The following MSRA variants were observed in gnomAD, a reference collection of about 807,000 sequenced individuals.
MSRA encodes methionine sulfoxide reductase A.
A neutral mutation model predicts 31.3 loss-of-function variants in MSRA; 54 were observed. The ratio of observed to expected loss-of-function variants is 1.73; its 90% CI spans 1.39 to 2.17. The LOEUF is 2.17. Among genes scored for constraint, MSRA ranks in the 30% most tolerant of loss-of-function variants. MSRA has a pLI of 0.00. For synonymous variants in MSRA, 169 were observed against 116.5 expected (o/e 1.45, Z -2.90); for missense variants, 507 against 300.9 (o/e 1.69, Z -5.07).
At chr8:10,182,326 C>T (rs1806617973) in intron 1 of MSRA, among the ~76,000 whole-genome samples, 1 of 152,318 alleles carries the variant, frequency 6.6e-6, no homozygotes, top group Admixed American at 6.5e-5. Flanking sequence ...TTACCTCTTG[C>T]TGAATGATGC....
At chr8:10,366,478 C>T (rs1481325744) in intron 5 of MSRA, among the ~76,000 whole-genome samples, 1 of 152,242 alleles carries the variant, frequency 6.6e-6, no homozygotes, top group African/African-American at 2.4e-5. Context: ...ATTACCCTGA[C>T]AGACATTCCG....
chr8:10,216,550 G>T (rs1810007717), intron 2 of MSRA, among the ~76,000 whole-genome samples: 1 of 152,154 alleles, frequency 6.6e-6, no homozygotes, highest in African/African-American at 2.4e-5. Context: ...TCAAAGGGAA[G>T]CTCCATAGAC....
chr8:10,294,040 C>T (rs973989024), intron 3 of MSRA, among the ~76,000 whole-genome samples: 3 of 152,088 alleles, frequency 2.0e-5, no homozygotes, highest in African/African-American at 7.2e-5. Flanking sequence ...CCCATCTCTA[C>T]TAAAAATACA....
At chr8:10,301,482 A>C in intron 3 of MSRA, 52 bp from the exon 4 acceptor site, 1 of 1,411,912 alleles carries the variant, frequency 7.1e-7, no homozygotes, top group Non-Finnish European at 9.9e-7. Context: ...AAAAACTTGC[A>C]ATAAATGGAT....
At chr8:10,345,183 T>G (rs1457984784) in intron 5 of MSRA, among the ~76,000 whole-genome samples, 1 of 152,154 alleles carries the variant, frequency 6.6e-6, no homozygotes. Flanking sequence ...CTAAAACAAG[T>G]CATATGTTCA....
At chr8:10,056,433 C>G (rs1386748166) in intron 1 of MSRA, among the ~76,000 whole-genome samples, 1 of 152,096 alleles carries the variant, frequency 6.6e-6, no homozygotes, top group East Asian at 1.9e-4. Context: ...TGCAAAACCT[C>G]AGGACCTGGT....
At chr8:10,421,980 G>A (rs1042629791) in intron 5 of MSRA, among the ~76,000 whole-genome samples, 1 of 152,208 alleles carries the variant, frequency 6.6e-6, no homozygotes, top group African/African-American at 2.4e-5. Context: ...GTACTCTGCA[G>A]TAGTTAAAAC....
chr8:10,399,774 G>A (rs1466680320), intron 5 of MSRA, among the ~76,000 whole-genome samples: 1 of 152,192 alleles, frequency 6.6e-6, no homozygotes, highest in East Asian at 1.9e-4. Flanking sequence ...GGACGGCAGT[G>A]GAGGTGGTTA....
chr8:10,250,330 G>C, intron 3 of MSRA: 1 of 662,828 alleles, frequency 1.5e-6, no homozygotes, highest in South Asian at 1.6e-5. Flanking sequence ...GTTAATTTCA[G>C]TGCATTAGCC....
Position 10,269,813 on chromosome 8 carries a change from G to A in MSRA, c.331+24590G>A, listed in dbSNP as rs968396839. On this transcript the variant is annotated intron_variant, in intron 3 of 5. Coordinates refer to ENST00000317173, the MANE Select transcript of MSRA (RefSeq NM_012331.5). ...ACCACATGTGAGTGCCACCACGCCC[G>A]GCTAATGTTTTGTATTTTTAGTAGA... 5.3e-5 allele frequency among the ~76,000 whole-genome samples: 8 copies of A among 152,218 alleles called. No individual in the cohort carries two copies. In the South Asian group the frequency reaches 8.3e-4, roughly 16 times the overall value.
At chr8:10,162,942 T>C (rs1804792631) in intron 1 of MSRA, among the ~76,000 whole-genome samples, 1 of 152,112 alleles carries the variant, frequency 6.6e-6, no homozygotes, top group Admixed American at 6.5e-5. Flanking sequence ...AGTTTGCACC[T>C]CTCCAAATTC....
chr8:10,389,599 C>T (rs1039536242), intron 5 of MSRA, among the ~76,000 whole-genome samples: 5 of 152,202 alleles, frequency 3.3e-5, no homozygotes, highest in Non-Finnish European at 5.9e-5. Flanking sequence ...CATCTTTTCT[C>T]TTCTGCCCAC....
At chr8:10,277,074 C>A (rs1050121201) in intron 3 of MSRA, among the ~76,000 whole-genome samples, 2 of 151,958 alleles carry the variant, frequency 1.3e-5, no homozygotes, top group African/African-American at 4.8e-5. Context: ...TACTTGAGAC[C>A]TAGATTTTAA....
At chr8:10,279,745 G>A (rs544639268) in intron 3 of MSRA, among the ~76,000 whole-genome samples, 5 of 152,280 alleles carry the variant, frequency 3.3e-5, no homozygotes, top group South Asian at 2.1e-4. Flanking sequence ...TGAATGTAGC[G>A]TCCATGCTGC....
intron 5 of MSRA, among the ~76,000 whole-genome samples, chr8:10,372,897 A>G (rs1805557073): frequency 6.6e-6 from 1 of 152,202 alleles, no homozygotes; most frequent in Admixed American, 6.5e-5. Flanking sequence ...TACTAACATT[A>G]TTATTATTTG....
At chr8:10,156,684 C>T (rs147960254) in intron 1 of MSRA, among the ~76,000 whole-genome samples, 9 of 152,170 alleles carry the variant, frequency 5.9e-5, no homozygotes, top group Non-Finnish European at 1.3e-4. Context: ...ATTCTTCCTC[C>T]ACTGCCCCTA....
chr8:10,076,649 C>A (rs1230893024), intron 1 of MSRA, among the ~76,000 whole-genome samples: 2 of 152,068 alleles, frequency 1.3e-5, no homozygotes, highest in Non-Finnish European at 2.9e-5. Flanking sequence ...GCAGTGAGCT[C>A]CCTTTTGGCA....
chr8:10,167,657 T>C (rs546971255), intron 1 of MSRA, among the ~76,000 whole-genome samples: 25 of 152,240 alleles, frequency 1.6e-4, no homozygotes, highest in Non-Finnish European at 3.2e-4. Context: ...TTAGCATCTT[T>C]TGCTCCCCTA....
chr8:10,238,645 G>A (rs550582069), intron 2 of MSRA, among the ~76,000 whole-genome samples: 1 of 152,306 alleles, frequency 6.6e-6, no homozygotes, highest in South Asian at 2.1e-4. Flanking sequence ...GGTAACATTG[G>A]AGATAAGTGG....
Sources: allele counts gnomAD v4.1 joint callset (sites outside exome capture counted in the v4.1 genomes callset), GRCh38; gene constraint gnomAD v4.1.1; transcripts MANE v1.5; gene names NCBI Gene and HGNC (gene_info 2026-07-23, HGNC 2026-07-21).